GSG1L: variants seen among roughly 807,000 people sequenced by gnomAD.
GSG1L encodes GSG1 like, also known as germ cell-specific gene 1-like protein.
A neutral mutation model predicts 42.1 loss-of-function variants in GSG1L; 24 were observed. The ratio of observed to expected loss-of-function variants is 0.57; its 90% confidence interval spans 0.41 to 0.80. GSG1L has a LOEUF of 0.80. Among genes scored for constraint, GSG1L ranks in the 30% least tolerant of loss-of-function variants. The probability of loss-of-function intolerance (pLI) is 0.00; values close to 1 mark genes in which losing one functional copy is unlikely to be tolerated. For missense variants in GSG1L, 445 were observed against 472.2 expected (o/e 0.94, Z 0.53); for synonymous variants, 215 against 203.5 (o/e 1.06, Z -0.48).
intron 1 of GSG1L, among the ~76,000 whole-genome samples, chr16:28,024,016 T>C (rs2085874295): frequency 6.6e-6 from 1 of 152,070 alleles, no homozygotes; most frequent in Non-Finnish European, 1.5e-5. Context: ...GATGACAGAA[T>C]GAGACCCTGT....
chr16:27,839,639 C>G (rs1030614883), intron 4 of GSG1L, among the ~76,000 whole-genome samples: 1 of 152,198 alleles, frequency 6.6e-6, no homozygotes, highest in African/African-American at 2.4e-5. Flanking sequence ...GAGCTGGAGA[C>G]CAGATGCCTA....
chr16:28,042,367 C>A lies in GSG1L; in HGVS notation c.349+20709G>T, dbSNP rs4306513. On this transcript the variant is annotated intron_variant, in intron 1 of 6. Coordinates refer to ENST00000447459, the MANE Select transcript of GSG1L (RefSeq NM_001109763.2). ...AGAAGAATTGCTTGAACCCGGGGGGCGGAGGTTGCAGTGAACTGAGATCAC... is the reference window on the plus strand; with the variant it reads ...AGAAGAATTGCTTGAACCCGGGGGGAGGAGGTTGCAGTGAACTGAGATCAC... Among the ~76,000 whole-genome samples, 625 of 149,656 alleles carry A rather than the reference C, an allele frequency of 4.2e-3. 6 individuals carry two copies. The highest frequency in any genetic ancestry group is 0.015 in the African/African-American group (594 of 40,544).
At chr16:27,960,338 G>T (rs140258039) in intron 2 of GSG1L, among the ~76,000 whole-genome samples, 231 of 152,268 alleles carry the variant, frequency 1.5e-3, no homozygotes, top group Non-Finnish European at 2.7e-3. Context: ...GTAAAATGGG[G>T]ATTACAGGAG....
chr16:28,046,799 C>A (rs1434159947), intron 1 of GSG1L, among the ~76,000 whole-genome samples: 1 of 152,230 alleles, frequency 6.6e-6, no homozygotes, highest in South Asian at 2.1e-4. Flanking sequence ...CTGCGCAAAG[C>A]CTTTGCACGT....
intron 1 of GSG1L, among the ~76,000 whole-genome samples, chr16:27,967,455 C>T (rs924649964): frequency 1.4e-4 from 22 of 152,298 alleles, no homozygotes; most frequent in Non-Finnish European, 2.6e-4. Flanking sequence ...CCCCTGCCCC[C>T]GCCTTGTGCT....
At chr16:27,791,723 T>C (rs1054796204) in intron 6 of GSG1L, among the ~76,000 whole-genome samples, 1 of 151,804 alleles carries the variant, frequency 6.6e-6, no homozygotes, top group Admixed American at 6.6e-5. Flanking sequence ...TTTGCTGCCA[T>C]CCACTTATCA....
intron 4 of GSG1L, among the ~76,000 whole-genome samples, chr16:27,842,080 G>A (rs925586039): frequency 2.0e-5 from 3 of 147,604 alleles, no homozygotes; most frequent in Non-Finnish European, 4.5e-5. Context: ...CGCGCGTGCC[G>A]AATTTCACAT....
At chr16:27,856,607 C>T (rs920401797) in intron 3 of GSG1L, among the ~76,000 whole-genome samples, 4 of 152,234 alleles carry the variant, frequency 2.6e-5, no homozygotes, top group Non-Finnish European at 4.4e-5. Context: ...CCATCGCTCC[C>T]GGCTCCTCAC....
Position 28,029,901 on chromosome 16 carries a change from C to T in GSG1L, c.349+33175G>A, listed in dbSNP as rs180704719. ...GTGTGTGCATGCACGCACATGTGGG[C>T]CGTGTGTGTTCACGCACGCACATGT... On this transcript the variant is annotated intron_variant, in intron 1 of 6. Coordinates refer to ENST00000447459, the MANE Select transcript of GSG1L (RefSeq NM_001109763.2). Among the ~76,000 whole-genome samples the T allele has an allele frequency of 2.0e-4, 30 of 152,182 alleles. No individual in the cohort carries two copies. In the East Asian group the frequency reaches 5.6e-3, roughly 28 times the overall value.
chr16:27,820,833 A>T (rs565928529), intron 5 of GSG1L, among the ~76,000 whole-genome samples: 1 of 152,230 alleles, frequency 6.6e-6, no homozygotes, highest in Non-Finnish European at 1.5e-5. Context: ...AACCCCAGAC[A>T]CCGTGGGAGG....
intron 2 of GSG1L, among the ~76,000 whole-genome samples, chr16:27,958,200 T>C (rs2085028257): frequency 6.6e-6 from 1 of 151,350 alleles, no homozygotes; most frequent in Non-Finnish European, 1.5e-5. Flanking sequence ...AGGTCAGGAG[T>C]TCGAGACCAG....
At chr16:27,812,022 G>A (rs2083037049) in intron 5 of GSG1L, among the ~76,000 whole-genome samples, 1 of 152,112 alleles carries the variant, frequency 6.6e-6, no homozygotes, top group South Asian at 2.1e-4. Flanking sequence ...GCTTCTGCTG[G>A]GAGCCTCAGC....
chr16:28,041,545 G>T (rs2086106304), intron 1 of GSG1L, among the ~76,000 whole-genome samples: 1 of 152,146 alleles, frequency 6.6e-6, no homozygotes, highest in African/African-American at 2.4e-5. Flanking sequence ...GAATGAATGA[G>T]GGAATGAATG....
intron 1 of GSG1L, among the ~76,000 whole-genome samples, 156 bp downstream of exon 1, chr16:28,062,920 C>T (rs1054600311): frequency 6.6e-6 from 1 of 151,978 alleles, no homozygotes; most frequent in African/African-American, 2.4e-5. Flanking sequence ...ACGGCGCGCG[C>T]CCCCTGCCCC....
At chr16:27,890,978 G>C (rs1250012157) in intron 2 of GSG1L, among the ~76,000 whole-genome samples, 1 of 152,200 alleles carries the variant, frequency 6.6e-6, no homozygotes, top group African/African-American at 2.4e-5. Context: ...GCCCTTGGGG[G>C]CACATTTCCA....
Position 27,963,298 on chromosome 16 carries a change from G to C in GSG1L, c.350-95C>G. The C allele has an allele frequency of 2.8e-6, 3 of 1,059,538 alleles. No individual in the cohort carries two copies. The South Asian group carries it at 3.9e-5, about 14-fold the overall frequency. The allele number at this position is 1,059,538 out of a possible 1,614,324, so 65.6% of individuals were successfully genotyped here. On this transcript the variant is annotated intron_variant, in intron 1 of 6. Coordinates refer to ENST00000447459, the MANE Select transcript of GSG1L (RefSeq NM_001109763.2). ...ATCCCATGAGCCCTGGAGCAAGCCA[G>C]TGTCTCTGACCCAAGCCCAGTGACA...
At chr16:28,031,928 A>C (rs1010935750) in intron 1 of GSG1L, among the ~76,000 whole-genome samples, 1 of 152,230 alleles carries the variant, frequency 6.6e-6, no homozygotes, top group Admixed American at 6.5e-5. Context: ...GGAGGGGAAA[A>C]ACACATGCCC....
At chr16:27,968,823 A>G (rs1017335532) in intron 1 of GSG1L, among the ~76,000 whole-genome samples, 2 of 152,208 alleles carry the variant, frequency 1.3e-5, no homozygotes, top group Non-Finnish European at 2.9e-5. Flanking sequence ...AAAGTATGCA[A>G]TTTGGCTGGG....
chr16:27,809,308 C>T (rs1362990532), intron 5 of GSG1L, among the ~76,000 whole-genome samples: 1 of 152,152 alleles, frequency 6.6e-6, no homozygotes, highest in East Asian at 1.9e-4. Flanking sequence ...GAGGCTGAGG[C>T]AGGAGGATTG....
Sources: allele counts gnomAD v4.1 joint callset (sites outside exome capture counted in the v4.1 genomes callset), GRCh38; gene constraint gnomAD v4.1.1; transcripts MANE v1.5; gene names NCBI Gene and HGNC (gene_info 2026-07-23, HGNC 2026-07-21).